The following ST14 variants were observed in gnomAD, a reference collection of about 807,000 sequenced individuals.
ST14 encodes suppressor of tumorigenicity 14 protein.
In ST14, 40 loss-of-function variants were observed where a neutral mutation model predicts 96.5. The observed-to-expected ratio is 0.41, with a 90% CI of 0.32 to 0.54. ST14 has a LOEUF of 0.54. ST14 is among the 20% of genes least tolerant of loss of function. The pLI is 0.17. For missense variants in ST14, 1,066 were observed against 1,188.9 expected (o/e 0.90, Z 1.52); for synonymous variants, 506 against 492.1 (o/e 1.03, Z -0.37).
At chr11:130,175,928 A>T (rs565199382) in intron 1 of ST14, among the ~76,000 whole-genome samples, 2 of 150,940 alleles carry the variant, frequency 1.3e-5, no homozygotes, top group East Asian at 3.9e-4. Context: ...CTCCCAAAGT[A>T]CTGAAATTAC....
intron 1 of ST14, among the ~76,000 whole-genome samples, chr11:130,184,307 G>C (rs138358486): frequency 6.6e-6 from 1 of 152,310 alleles, no homozygotes; most frequent in African/African-American, 2.4e-5. Flanking sequence ...TGGAAGGTTT[G>C]CAAGAGCAAG....
chr11:130,164,468 G>A (rs1306143120), intron 1 of ST14, among the ~76,000 whole-genome samples: 2 of 151,038 alleles, frequency 1.3e-5, no homozygotes, highest in African/African-American at 4.9e-5. Flanking sequence ...CACCCAGGCT[G>A]GAGTGCAATG....
chr11:130,193,005 C>T lies in ST14; in HGVS notation c.876-1144C>T, dbSNP rs1591889429. Among the ~76,000 whole-genome samples the T allele has an allele frequency of 2.0e-5, 3 of 152,170 alleles. No homozygotes were observed. In the South Asian group the frequency reaches 6.2e-4, roughly 32 times the overall value. Reference sequence around the variant, plus strand: ...CTGAACATCTCTGTGTCTCAGTTTCCTCACCTCTGAGATAGGGGTAATAGT... The same window carrying T: ...CTGAACATCTCTGTGTCTCAGTTTCTTCACCTCTGAGATAGGGGTAATAGT... On this transcript the variant is annotated intron_variant, in intron 7 of 18. Coordinates refer to ENST00000278742, the MANE Select transcript of ST14 (RefSeq NM_021978.4).
intron 15 of ST14, among the ~76,000 whole-genome samples, chr11:130,199,403 A>C (rs1430595102): frequency 6.6e-6 from 1 of 152,154 alleles, no homozygotes; most frequent in Non-Finnish European, 1.5e-5. Context: ...CAGCTCACCC[A>C]AGCCCAAGGC....
intron 16 of ST14, among the ~76,000 whole-genome samples, chr11:130,207,979 G>T (rs1953506123): frequency 6.6e-6 from 1 of 152,126 alleles, no homozygotes; most frequent in Non-Finnish European, 1.5e-5. Context: ...GCTGAGGCAG[G>T]ATAATCGCTT....
intron 12 of ST14, 117 bp from the exon 13 acceptor site, chr11:130,198,191 C>T: frequency 9.3e-7 from 1 of 1,070,874 alleles, no homozygotes; most frequent in Non-Finnish European, 1.5e-6. Context: ...AGCAGGGCCC[C>T]TTGGGCCTCT....
chr11:130,191,647 A>ACG (rs1565624634), intron 7 of ST14, among the ~76,000 whole-genome samples: 3 of 147,112 alleles, frequency 2.0e-5, no homozygotes, highest in Non-Finnish European at 3.0e-5. Flanking sequence ...CCGAGATCGT[A>ACG]CCACTACACT....
At chr11:130,206,064 G>A (rs551520406) in intron 16 of ST14, among the ~76,000 whole-genome samples, 10 of 152,240 alleles carry the variant, frequency 6.6e-5, no homozygotes, top group African/African-American at 2.4e-4. Context: ...TTAGTCATTA[G>A]GTTTCTTTAA....
rs368296860 is a variant in ST14, at chr11:130,188,689, C to T, written c.369+32C>T. 39 of 1,613,758 alleles carry T rather than the reference C, an allele frequency of 2.4e-5. 1 individual carries two copies. The Middle Eastern group carries it at 1.3e-3, about 54-fold the overall frequency. ...GCAGCCTGCCCAGAGTCCTGCTGGG[C>T]TGTGTGCGCTGGTGTCCCACCTGCT... On this transcript the variant is annotated intron_variant, in intron 3 of 18. Coordinates refer to ENST00000278742, the MANE Select transcript of ST14 (RefSeq NM_021978.4). This position sits in a 1 kb window ranked among gnomAD's most constrained non-coding sequence, Gnocchi z 5.4.
rs1952985961 is a variant in ST14, at chr11:130,159,936, G to C, written c.-44G>C. 8.3e-7 allele frequency: 1 copy of C among 1,200,008 alleles called. No homozygotes were observed. Among genetic ancestry groups the C allele is most frequent in the South Asian group, 3.5e-5 (1 of 28,958 alleles). 74.3% of individuals were successfully genotyped at this position (1,200,008 alleles called of 1,614,324 possible). ...CTGCGGGCCATGGGAGCCGGCCGCC[G>C]GCAGGGACGACGCCTGTGAGACCCG... On this transcript the variant is annotated 5_prime_UTR_variant, in exon 1 of 19. Transcript: ENST00000278742.
chr11:130,197,615 C>A (rs1054211219), intron 11 of ST14, among the ~76,000 whole-genome samples: 4 of 152,340 alleles, frequency 2.6e-5, no homozygotes, highest in African/African-American at 9.6e-5. Flanking sequence ...AGGGACCCTG[C>A]CAGCCCAGGT....
rs763269539 is a variant in ST14, at chr11:130,190,138, G to A, written c.624G>A (p.Arg208=). ...CCACGGACTCCAAAACAGTACAGAG[G>A]ACCCAGGACAGTAAGTATCGTGCCC... is the stretch of plus-strand genomic sequence containing the variant. ...AFPTDSKTVQ[R]TQDNSCSFGL... The change falls in exon 6 of 19, where the codon AGG becomes AGA. Residue 208 remains arginine (R), a synonymous_variant. Coordinates refer to ENST00000278742, the MANE Select transcript of ST14 (RefSeq NM_021978.4). The A allele has an allele frequency of 1.9e-6, 3 of 1,614,210 alleles. No individual in the cohort carries two copies. In the Admixed American group the frequency reaches 5.0e-5, roughly 27 times the overall value.
chr11:130,198,629 C>T lies in ST14; in HGVS notation c.1684+8C>T, dbSNP rs532010522. 8 of 1,606,556 alleles carry T rather than the reference C, an allele frequency of 5.0e-6. No individual in the cohort carries two copies. In the East Asian group the frequency reaches 1.6e-4, roughly 31 times the overall value. The stretch of plus-strand genomic sequence containing the variant: ...AGGCCTCCTGCCCCAAGGGTGAGGC[C>T]CGCCCCACCCATCTTCCTGTTGGGG... On this transcript the variant is annotated splice_region_variant and intron_variant, in intron 14 of 18. Coordinates refer to ENST00000278742, the MANE Select transcript of ST14 (RefSeq NM_021978.4).
Position 130,162,356 on chromosome 11 carries a change from G to A in ST14, c.81+2296G>A, listed in dbSNP as rs116339808. Among the ~76,000 whole-genome samples the A allele has an allele frequency of 2.4e-3, 373 of 152,308 alleles. 2 individuals are homozygous for A. Among genetic ancestry groups the A allele is most frequent in the African/African-American group, 8.5e-3 (355 of 41,566 alleles). ...CCACTTCTTATGGCCATTAATGAGA[G>A]CCAGGGAGCCTGCCTCCCTGAGGGT... On this transcript the variant is annotated intron_variant, in intron 1 of 18. Transcript: ENST00000278742.
intron 1 of ST14, among the ~76,000 whole-genome samples, chr11:130,163,800 G>A (rs1953020613): frequency 6.6e-6 from 1 of 152,196 alleles, no homozygotes; most frequent in South Asian, 2.1e-4. Flanking sequence ...AACTGAGGAA[G>A]AGGAGAAGAT....
Position 130,169,092 on chromosome 11 carries a change from G to GTTTT in ST14, c.81+9051_81+9054dup, listed in dbSNP as rs59747710. Among the ~76,000 whole-genome samples the GTTTT allele has an allele frequency of 1.1e-3, 129 of 112,294 alleles. 2 individuals are homozygous for GTTTT. Among genetic ancestry groups the GTTTT allele is most frequent in the African/African-American group, 4.5e-3 (107 of 23,722 alleles). 73.7% of individuals were successfully genotyped at this position (112,294 alleles called of 152,430 possible). A position where few individuals can be genotyped will look rare whatever the true frequency, so the allele number is the denominator to read the frequency against. On this transcript the variant is annotated intron_variant, in intron 1 of 18. Coordinates refer to ENST00000278742, the MANE Select transcript of ST14 (RefSeq NM_021978.4). The stretch of plus-strand genomic sequence containing the variant: ...ATTATTTATTTATATAATATAATGG[G>GTTTT]TTTTTTTTTTTTTTTTTTTTTTGAG...
chr11:130,206,202 GTT>G (rs1953485569), intron 16 of ST14, among the ~76,000 whole-genome samples: 1 of 152,220 alleles, frequency 6.6e-6, no homozygotes, highest in African/African-American at 2.4e-5. Context: ...TCCCGACTGT[GTT>G]TTCATGGCTG....
chr11:130,201,559 G>A (rs924627166), intron 16 of ST14, among the ~76,000 whole-genome samples: 4 of 152,242 alleles, frequency 2.6e-5, no homozygotes, highest in East Asian at 3.8e-4. Flanking sequence ...CCCCAGCTTC[G>A]CTGGGTGCTT....
At chr11:130,177,805 A>C (rs575740901) in intron 1 of ST14, among the ~76,000 whole-genome samples, 87 of 152,316 alleles carry the variant, frequency 5.7e-4, no homozygotes, top group African/African-American at 2.0e-3. Context: ...TGTTTTTTCA[A>C]ACGGCTTGAT....
Sources: allele counts gnomAD v4.1 joint callset (sites outside exome capture counted in the v4.1 genomes callset), GRCh38; gene constraint gnomAD v4.1.1; non-coding constraint Gnocchi (gnomAD v3.1); transcripts MANE v1.5; gene names NCBI Gene and HGNC (gene_info 2026-07-23, HGNC 2026-07-21).